The following NIBAN1 variants were observed in gnomAD, a reference collection of about 807,000 sequenced individuals.
NIBAN1 encodes the protein protein Niban 1.
Under a neutral mutation model 75.1 loss-of-function variants are expected in NIBAN1, and 81 were observed. The observed-to-expected ratio is 1.08, with a 90% CI of 0.90 to 1.30. The LOEUF is 1.30. Ranked by LOEUF, NIBAN1 falls within the 50% of genes most tolerant of loss-of-function variation. The pLI, the probability that NIBAN1 is intolerant of heterozygous loss-of-function variation, is 0.00. For missense variants in NIBAN1, 1,133 were observed against 1,128.1 expected (o/e 1.00, Z -0.06); for synonymous variants, 436 against 424.8 (o/e 1.03, Z -0.32).
intron 12 of NIBAN1, among the ~76,000 whole-genome samples, chr1:184,799,486 A>G (rs1187941985): frequency 2.7e-5 from 4 of 149,978 alleles, no homozygotes; most frequent in African/African-American, 9.9e-5. Context: ...TATTGTGAAT[A>G]GTGCCACAAT....
At chr1:184,958,493 C>T (rs945468322) in intron 1 of NIBAN1, among the ~76,000 whole-genome samples, 7 of 152,042 alleles carry the variant, frequency 4.6e-5, no homozygotes, top group Non-Finnish European at 1.0e-4. Flanking sequence ...AGCAGCTGAG[C>T]GTTCAAATCC....
chr1:184,880,902 T>C (rs549578292), intron 5 of NIBAN1, among the ~76,000 whole-genome samples: 1 of 152,268 alleles, frequency 6.6e-6, no homozygotes, highest in African/African-American at 2.4e-5. Flanking sequence ...GGGATTACAG[T>C]GTGACTCCAA....
At position 184,939,418 on chromosome 1, in the gene NIBAN1, T is replaced by C. The variant is rs143384118; in HGVS notation, c.55+34884A>G. ...TGTCCCCACAATAGAGCATGCCTCT[T>C]GTCACCAAGGCTCCTCTGCAAGCTT... On this transcript the variant is annotated intron_variant, in intron 1 of 13. Coordinates refer to ENST00000367511, the MANE Select transcript of NIBAN1 (RefSeq NM_052966.4). Among the ~76,000 whole-genome samples, 13 of 152,318 alleles carry C rather than the reference T, an allele frequency of 8.5e-5. No individual in the cohort carries two copies. In the East Asian group the frequency reaches 2.3e-3, roughly 27 times the overall value.
At chr1:184,797,400 C>T (rs1653906819) in intron 13 of NIBAN1, among the ~76,000 whole-genome samples, 1 of 151,922 alleles carries the variant, frequency 6.6e-6, no homozygotes, top group African/African-American at 2.4e-5. Flanking sequence ...TCTTGGTCTC[C>T]CAAAGTGCTG....
In NIBAN1 at chr1:184,966,613, G is replaced by A. The variant is rs115125226; in HGVS notation, c.55+7689C>T. ...AAACAAAGAGGTCTAGAACTGGGAC[G>A]GGGCACACAGAAGCCTCCTTTGATG... On this transcript the variant is annotated intron_variant, in intron 1 of 13. Transcript: ENST00000367511. Among the ~76,000 whole-genome samples, 547 of 152,276 alleles carry A rather than the reference G, an allele frequency of 3.6e-3. 3 individuals are homozygous for A. Among genetic ancestry groups the A allele is most frequent in the African/African-American group, 0.013 (522 of 41,562 alleles).
chr1:184,950,819 T>C (rs369566254), intron 1 of NIBAN1, among the ~76,000 whole-genome samples: 45 of 152,304 alleles, frequency 3.0e-4, no homozygotes, highest in African/African-American at 1.0e-3. Context: ...ACATGACAGT[T>C]CTTACCGCTC....
chr1:184,814,151 A>AT, intron 9 of NIBAN1, among the ~76,000 whole-genome samples: 1 of 152,328 alleles, frequency 6.6e-6, no homozygotes, highest in Middle Eastern at 3.4e-3. Context: ...ATAAAAAATT[A>AT]ACTGTAAGAG....
chr1:184,840,835 C>G (rs538829431), intron 5 of NIBAN1, among the ~76,000 whole-genome samples: 1 of 151,660 alleles, frequency 6.6e-6, no homozygotes, highest in Non-Finnish European at 1.5e-5. Context: ...TAGACACAAT[C>G]AAATAGTTAA....
chr1:184,964,885 G>T (rs1658740980), intron 1 of NIBAN1, among the ~76,000 whole-genome samples: 1 of 152,162 alleles, frequency 6.6e-6, no homozygotes, highest in South Asian at 2.1e-4. Context: ...TGAATTTCAA[G>T]TTCCTCTAAA....
chr1:184,861,470 G>A (rs955694050), intron 5 of NIBAN1, among the ~76,000 whole-genome samples: 1 of 151,626 alleles, frequency 6.6e-6, no homozygotes, highest in Non-Finnish European at 1.5e-5. Flanking sequence ...GTGCTGATAA[G>A]TATTTGTTGG....
intron 5 of NIBAN1, among the ~76,000 whole-genome samples, chr1:184,835,536 T>G (rs1277252589): frequency 6.6e-6 from 1 of 152,256 alleles, no homozygotes; most frequent in African/African-American, 2.4e-5. Context: ...TGGTTTGTAG[T>G]TCTCCTTAAA....
intron 1 of NIBAN1, among the ~76,000 whole-genome samples, chr1:184,936,391 G>A (rs570745328): frequency 2.6e-5 from 4 of 152,288 alleles, no homozygotes; most frequent in South Asian, 4.1e-4. Flanking sequence ...CTCTCTGTCA[G>A]GCCTCATATT....
At chr1:184,807,610 A>G (rs1417873463) in intron 10 of NIBAN1, among the ~76,000 whole-genome samples, 1 of 152,158 alleles carries the variant, frequency 6.6e-6, no homozygotes, top group East Asian at 1.9e-4. Context: ...CAACACAGTA[A>G]AAACCCCATC....
chr1:184,840,496 T>C (rs533343593), intron 5 of NIBAN1, among the ~76,000 whole-genome samples: 1 of 152,126 alleles, frequency 6.6e-6, no homozygotes, highest in African/African-American at 2.4e-5. Flanking sequence ...CTCAAACAAA[T>C]GGAAGAATGG....
chr1:184,862,834 C>T (rs1571527647), intron 5 of NIBAN1, among the ~76,000 whole-genome samples: 1 of 148,374 alleles, frequency 6.7e-6, no homozygotes, highest in African/African-American at 2.5e-5. Flanking sequence ...TTTTTCTTTT[C>T]TTTTTTTTTT....
intron 3 of NIBAN1, among the ~76,000 whole-genome samples, chr1:184,893,097 G>T (rs909439024): frequency 2.0e-5 from 3 of 152,112 alleles, no homozygotes; most frequent in African/African-American, 4.8e-5. Context: ...GAGCTTAGAG[G>T]CCAGAGAGCA....
rs1410412721 is a variant in NIBAN1, at chr1:184,951,857, T to G, written c.55+22445A>C. 3.3e-5 allele frequency among the ~76,000 whole-genome samples: 5 copies of G among 152,330 alleles called. No homozygotes were observed. The East Asian group carries it at 9.6e-4, about 29-fold the overall frequency. On this transcript the variant is annotated intron_variant, in intron 1 of 13. Coordinates refer to ENST00000367511, the MANE Select transcript of NIBAN1 (RefSeq NM_052966.4). ...TGAGATGTGATCCCACCTACCTTGCTGCCCTGTCTCTGCTCACAGTTCCCA... is the reference window on the plus strand; with the variant it reads ...TGAGATGTGATCCCACCTACCTTGCGGCCCTGTCTCTGCTCACAGTTCCCA...
intron 2 of NIBAN1, among the ~76,000 whole-genome samples, chr1:184,895,802 A>G (rs1193757420): frequency 6.6e-6 from 1 of 152,122 alleles, no homozygotes; most frequent in East Asian, 1.9e-4. Flanking sequence ...TATAACTGAA[A>G]ACATGTGGTA....
chr1:184,942,192 A>G (rs960623865), intron 1 of NIBAN1, among the ~76,000 whole-genome samples: 1 of 152,256 alleles, frequency 6.6e-6, no homozygotes, highest in African/African-American at 2.4e-5. Flanking sequence ...TCATAATGAA[A>G]GTTATACAGG....
Sources: gnomAD v4.1 joint callset for allele counts (sites outside exome capture counted in the v4.1 genomes callset) on GRCh38, gnomAD v4.1.1 for gene constraint, MANE v1.5 for transcripts, NCBI Gene and HGNC (gene_info 2026-07-23, HGNC 2026-07-21) for gene names.